The following ATXN1 variants were observed in gnomAD, a reference collection of about 807,000 sequenced individuals.
ATXN1 encodes the protein ataxin-1.
Under a neutral mutation model 56.4 loss-of-function variants are expected in ATXN1, and 8 were observed. That is an observed-to-expected ratio of 0.14 (90% confidence interval 0.08 to 0.26). ATXN1 has a LOEUF of 0.26. Ranked by LOEUF, ATXN1 falls within the 10% of genes least tolerant of loss-of-function variation. ATXN1 has a pLI of 1.00. For missense variants in ATXN1, 987 were observed against 1,106.5 expected, an observed-to-expected ratio of 0.89 and a Z score of 1.53; for synonymous variants, 514 against 494.6, an observed-to-expected ratio of 1.04 and a Z score of -0.52.
At chr6:16,616,995 T>C (rs1763225309) in intron 3 of ATXN1, among the ~76,000 whole-genome samples, 1 of 152,096 alleles carries the variant, frequency 6.6e-6, no homozygotes, top group Admixed American at 6.6e-5. Flanking sequence ...TAATCTCTAA[T>C]TTATACATTG....
At chr6:16,504,274 C>T (rs989403441) in intron 5 of ATXN1, among the ~76,000 whole-genome samples, 21 of 152,208 alleles carry the variant, frequency 1.4e-4, no homozygotes, top group African/African-American at 5.1e-4. Flanking sequence ...GCTTTCACTC[C>T]TGGGACTGGT....
At chr6:16,696,658 T>A (rs537045100) in intron 2 of ATXN1, among the ~76,000 whole-genome samples, 1 of 152,340 alleles carries the variant, frequency 6.6e-6, no homozygotes, top group South Asian at 2.1e-4. Flanking sequence ...AAGTGAATAA[T>A]CATTGAGGAA....
intron 4 of ATXN1, among the ~76,000 whole-genome samples, chr6:16,527,356 T>C (rs1167981899): frequency 6.6e-6 from 1 of 152,108 alleles, no homozygotes; most frequent in Admixed American, 6.5e-5. Flanking sequence ...CTTTTCTAAG[T>C]ATCCAACACT....
intron 5 of ATXN1, among the ~76,000 whole-genome samples, chr6:16,513,413 C>T (rs1761118119): frequency 6.6e-6 from 1 of 152,134 alleles, no homozygotes; most frequent in Non-Finnish European, 1.5e-5. Flanking sequence ...ATGCTTGAAA[C>T]TATAGGAAAT....
intron 6 of ATXN1, among the ~76,000 whole-genome samples, chr6:16,398,641 T>C (rs922479876): frequency 6.6e-6 from 1 of 152,118 alleles, no homozygotes; most frequent in African/African-American, 2.4e-5. Flanking sequence ...GTTTTTCGCC[T>C]CCTCCAGGAG....
intron 6 of ATXN1, among the ~76,000 whole-genome samples, chr6:16,395,449 G>A (rs763357531): frequency 5.9e-5 from 9 of 151,940 alleles, no homozygotes; most frequent in Non-Finnish European, 1.0e-4. Context: ...ATGTGACAGC[G>A]GTCACATAAG....
intron 2 of ATXN1, chr6:16,737,295 C>A (rs1416252875): frequency 6.6e-6 from 1 of 152,174 alleles, no homozygotes; most frequent in East Asian, 1.9e-4. Context: ...TCCTGACCCA[C>A]AGCAAAGAAC....
chr6:16,680,095 G>A (rs1762927616), intron 2 of ATXN1, among the ~76,000 whole-genome samples: 1 of 152,094 alleles, frequency 6.6e-6, no homozygotes, highest in Non-Finnish European at 1.5e-5. Flanking sequence ...TCACTGTCTT[G>A]AAGTCTTTTA....
At chr6:16,676,125 G>T (rs1396442014) in intron 2 of ATXN1, among the ~76,000 whole-genome samples, 1 of 151,938 alleles carries the variant, frequency 6.6e-6, no homozygotes, top group Non-Finnish European at 1.5e-5. Flanking sequence ...TCATCAACAG[G>T]GTAGTATTAC....
intron 6 of ATXN1, among the ~76,000 whole-genome samples, chr6:16,345,778 T>TA (rs1359827515): frequency 6.6e-6 from 1 of 152,056 alleles, no homozygotes; most frequent in Admixed American, 6.5e-5. Flanking sequence ...CTGTTTTCAA[T>TA]AAAAAAGCTG....
intron 6 of ATXN1, among the ~76,000 whole-genome samples, chr6:16,432,325 A>C (rs1210519238): frequency 6.6e-6 from 1 of 152,202 alleles, no homozygotes; most frequent in African/African-American, 2.4e-5. Flanking sequence ...CATGCTGAGA[A>C]TATCATCATG....
At chr6:16,612,882 T>C (rs1214134859) in intron 3 of ATXN1, among the ~76,000 whole-genome samples, 3 of 142,604 alleles carry the variant, frequency 2.1e-5, no homozygotes, top group African/African-American at 7.8e-5. Flanking sequence ...AGAGAGAGAC[T>C]CTGTCTTAAA....
intron 6 of ATXN1, among the ~76,000 whole-genome samples, chr6:16,340,453 G>T (rs1761220552): frequency 6.6e-6 from 1 of 152,150 alleles, no homozygotes; most frequent in Non-Finnish European, 1.5e-5. Context: ...TGGGCAGAGG[G>T]CAACAGAAGC....
chr6:16,473,396 A>G (rs926235622), intron 6 of ATXN1, among the ~76,000 whole-genome samples: 1 of 152,176 alleles, frequency 6.6e-6, no homozygotes, highest in African/African-American at 2.4e-5. Flanking sequence ...GCCTTTTGAA[A>G]GAGTTATGCT....
intron 2 of ATXN1, among the ~76,000 whole-genome samples, chr6:16,671,820 C>G (rs940208582): frequency 1.3e-5 from 2 of 152,144 alleles, no homozygotes; most frequent in African/African-American, 4.8e-5. Flanking sequence ...CGTCAAAACA[C>G]AAATCACATT....
intron 6 of ATXN1, among the ~76,000 whole-genome samples, chr6:16,364,480 T>G (rs1761875686): frequency 6.6e-6 from 1 of 152,234 alleles, no homozygotes; most frequent in African/African-American, 2.4e-5. Flanking sequence ...ATTTTTTGTA[T>G]TTTTAGTAGA....
intron 4 of ATXN1, among the ~76,000 whole-genome samples, chr6:16,575,881 T>C (rs1040791473): frequency 3.9e-5 from 6 of 152,204 alleles, no homozygotes; most frequent in Admixed American, 2.0e-4. Context: ...TTCCCTTCTA[T>C]TGTACTGCTT....
intron 3 of ATXN1, among the ~76,000 whole-genome samples, chr6:16,636,113 C>T (rs115973050): frequency 1.6e-3 from 241 of 152,306 alleles, no homozygotes; most frequent in Middle Eastern, 3.4e-3. Context: ...TCCCTTACAT[C>T]ATTTCTGTTT....
chr6:16,418,745 G>A (rs1277535712), intron 6 of ATXN1, among the ~76,000 whole-genome samples: 1 of 123,348 alleles, frequency 8.1e-6, no homozygotes, highest in African/African-American at 3.2e-5. Context: ...TCCCCAGAGT[G>A]TGATGTTCCC....
Sources: allele counts gnomAD v4.1 joint callset (sites outside exome capture counted in the v4.1 genomes callset), GRCh38; gene constraint gnomAD v4.1.1; transcripts MANE v1.5; gene names NCBI Gene and HGNC (gene_info 2026-07-23, HGNC 2026-07-21).